Variants in TMEM132D observed in about 807,000 individuals in gnomAD.
TMEM132D encodes the protein mature OL transmembrane protein.
Under a neutral mutation model 62.3 loss-of-function variants are expected in TMEM132D, and 21 were observed. The ratio of observed to expected loss-of-function variants is 0.34; its 90% CI spans 0.24 to 0.49. The LOEUF (loss-of-function observed/expected upper bound fraction) is 0.49. Ranked by LOEUF, TMEM132D falls within the 20% of genes least tolerant of loss-of-function variation. TMEM132D has a pLI of 0.99. For synonymous variants in TMEM132D, 621 were observed against 575.6 expected (o/e 1.08, Z -1.13); for missense variants, 1,346 against 1,402.8 (o/e 0.96, Z 0.65).
chr12:129,158,930 G>A (rs1877320080), intron 5 of TMEM132D, among the ~76,000 whole-genome samples: 1 of 152,186 alleles, frequency 6.6e-6, no homozygotes, highest in Non-Finnish European at 1.5e-5. Context: ...GAGAGAGGAA[G>A]CAAGGGAAAT....
rs570922925 is a variant in TMEM132D at position 129,301,636 on chromosome 12, C to T, written c.1299+35998G>A. On this transcript the variant is annotated intron_variant, in intron 4 of 8. Coordinates refer to ENST00000422113, the MANE Select transcript of TMEM132D (RefSeq NM_133448.3). ...CAGCAATCACAGCTGCAACCATGAG[C>T]GCAAAAGCTAACATTTATTGAGTAC... Among the ~76,000 whole-genome samples the T allele has an allele frequency of 3.9e-5, 6 of 152,232 alleles. No individual in the cohort carries two copies. The South Asian group carries it at 8.3e-4, about 21-fold the overall frequency.
chr12:129,305,176 A>G (rs1881818902), intron 4 of TMEM132D, among the ~76,000 whole-genome samples: 1 of 152,246 alleles, frequency 6.6e-6, no homozygotes, highest in South Asian at 2.1e-4. Flanking sequence ...ATGCCAGTTT[A>G]CATTAGCAGC....
At chr12:129,226,212 G>A (rs1249394013) in intron 4 of TMEM132D, among the ~76,000 whole-genome samples, 2 of 152,204 alleles carry the variant, frequency 1.3e-5, no homozygotes, top group Admixed American at 1.3e-4. Context: ...GATAAGAAAG[G>A]GTGAATGAAC....
intron 1 of TMEM132D, among the ~76,000 whole-genome samples, chr12:129,772,934 G>A (rs1409543868): frequency 1.3e-5 from 2 of 152,234 alleles, no homozygotes; most frequent in Non-Finnish European, 2.9e-5. Context: ...TGCTGACAGA[G>A]TGCGCAAGAT....
intron 2 of TMEM132D, among the ~76,000 whole-genome samples, chr12:129,582,713 G>A (rs954930272): frequency 1.3e-5 from 2 of 151,596 alleles, no homozygotes; most frequent in African/African-American, 4.9e-5. Context: ...CCGCCTCCCG[G>A]GTTCAAGCGA....
In TMEM132D at chr12:129,574,326, A is replaced by C. The variant is rs77221325; in HGVS notation, c.969-43121T>G. Among the ~76,000 whole-genome samples the C allele has an allele frequency of 2.9e-3, 446 of 152,046 alleles. 15 individuals carry two copies. In the East Asian group the frequency reaches 0.074, roughly 25 times the overall value. ...TGTAAAATCTGATAAACATGACTGC[A>C]CGTCTAAAACATTTTGTAATAAACT... On this transcript the variant is annotated intron_variant, in intron 2 of 8. Transcript: ENST00000422113.
At chr12:129,241,479 C>A (rs1419184910) in intron 4 of TMEM132D, among the ~76,000 whole-genome samples, 1 of 152,150 alleles carries the variant, frequency 6.6e-6, no homozygotes, top group East Asian at 1.9e-4. Flanking sequence ...TGCATGCCCT[C>A]TCCTACGGCA....
At chr12:129,249,326 C>T (rs1474806620) in intron 4 of TMEM132D, among the ~76,000 whole-genome samples, 1 of 152,240 alleles carries the variant, frequency 6.6e-6, no homozygotes, top group Non-Finnish European at 1.5e-5. Flanking sequence ...CATCCTCCTT[C>T]ATATCTAGGC....
intron 5 of TMEM132D, among the ~76,000 whole-genome samples, chr12:129,122,062 A>G (rs762184071): frequency 3.2e-4 from 49 of 152,282 alleles, no homozygotes; most frequent in Non-Finnish European, 5.7e-4. Flanking sequence ...ACTCATCTCC[A>G]TGGCTTCCAC....
Position 129,699,814 on chromosome 12 carries a change from A to T in TMEM132D, c.964T>A (p.Leu322Met), listed in dbSNP as rs1347256619. The T allele has an allele frequency of 6.2e-7, 1 of 1,613,756 alleles. No individual in the cohort carries two copies. The highest frequency in any genetic ancestry group is 1.3e-5 in the African/African-American group (1 of 75,028). The change falls in exon 2 of 9, where the codon TTG becomes ATG. Residue 322 changes from leucine to methionine, a missense_variant. Physicochemically the swap from Leu to Met is conservative, Grantham distance 15. Transcript: ENST00000422113. ...SRNSTEDRFT[L>M]RAKVKKGVNI... ...AGACATTGGGAAACGACTTACCTCA[A>T]CGTGAAGCGATCTTCAGTGGAATTT... is the stretch of plus-strand genomic sequence containing the variant.
chr12:129,570,837 C>T (rs1022428308), intron 2 of TMEM132D, among the ~76,000 whole-genome samples: 4 of 152,320 alleles, frequency 2.6e-5, no homozygotes, highest in South Asian at 2.1e-4. Context: ...AGAAGTTGCT[C>T]AGGTCACATG....
chr12:129,437,357 G>A (rs531927273), intron 3 of TMEM132D, among the ~76,000 whole-genome samples: 3 of 152,238 alleles, frequency 2.0e-5, no homozygotes, highest in Admixed American at 6.5e-5. Flanking sequence ...CCATGACAGA[G>A]AAATACACTT....
intron 5 of TMEM132D, among the ~76,000 whole-genome samples, chr12:129,173,881 G>A (rs1206601726): frequency 2.0e-5 from 3 of 152,182 alleles, no homozygotes; most frequent in Non-Finnish European, 4.4e-5. Context: ...AGGAGGTGAT[G>A]AAAATCTGTA....
chr12:129,617,423 G>T (rs1000130077), intron 2 of TMEM132D, among the ~76,000 whole-genome samples: 2 of 152,124 alleles, frequency 1.3e-5, no homozygotes, highest in Non-Finnish European at 2.9e-5. Context: ...CCATGAGATG[G>T]TGTCTTAGTC....
intron 5 of TMEM132D, among the ~76,000 whole-genome samples, chr12:129,191,808 T>C (rs1296313723): frequency 6.6e-6 from 1 of 151,982 alleles, no homozygotes; most frequent in Non-Finnish European, 1.5e-5. Context: ...ATATCTCCTG[T>C]TTTTGTCCTC....
chr12:129,181,126 T>C (rs1878054839), intron 5 of TMEM132D, among the ~76,000 whole-genome samples: 1 of 152,132 alleles, frequency 6.6e-6, no homozygotes, highest in Non-Finnish European at 1.5e-5. Flanking sequence ...TGGCACCTCA[T>C]ACTCAATTCA....
At chr12:129,179,966 T>G (rs1313303036) in intron 5 of TMEM132D, among the ~76,000 whole-genome samples, 1 of 151,892 alleles carries the variant, frequency 6.6e-6, no homozygotes, top group Admixed American at 6.6e-5. Context: ...AGGCGGAGGT[T>G]CCTGGGAGCC....
chr12:129,564,922 G>C (rs1877328145), intron 2 of TMEM132D, among the ~76,000 whole-genome samples: 1 of 152,184 alleles, frequency 6.6e-6, no homozygotes, highest in South Asian at 2.1e-4. Flanking sequence ...GACTAGGTAT[G>C]AGAAAAGTGG....
chr12:129,179,598 C>T (rs1375955853), intron 5 of TMEM132D, among the ~76,000 whole-genome samples: 1 of 152,198 alleles, frequency 6.6e-6, no homozygotes, highest in Non-Finnish European at 1.5e-5. Flanking sequence ...AAAATGAACT[C>T]ACAACGAACC....
Sources: gnomAD v4.1 joint callset for allele counts (sites outside exome capture counted in the v4.1 genomes callset) on GRCh38, gnomAD v4.1.1 for gene constraint, MANE v1.5 for transcripts, NCBI Gene and HGNC (gene_info 2026-07-23, HGNC 2026-07-21) for gene names.